Variants in PCDHA1 observed in about 807,000 individuals in gnomAD.
PCDHA1 encodes the protein protocadherin alpha-1.
In PCDHA1, 42 loss-of-function variants were observed where a neutral mutation model predicts 61.3. The observed-to-expected ratio is 0.69, with a 90% CI of 0.54 to 0.89. The LOEUF (loss-of-function observed/expected upper bound fraction) is 0.89, where lower values mean the gene tolerates loss of function less well. Among genes scored for constraint, PCDHA1 ranks in the 40% least tolerant of loss-of-function variants. The pLI is 0.00. For synonymous variants in PCDHA1, 610 were observed against 553.8 expected, an observed-to-expected ratio of 1.10 and a Z score of -1.43; for missense variants, 1,256 against 1,235.3, an observed-to-expected ratio of 1.02 and a Z score of -0.25.
intron 1 of PCDHA1, among the ~76,000 whole-genome samples, chr5:140,906,958 G>A (rs1220105162): frequency 1.3e-5 from 2 of 152,124 alleles, no homozygotes; most frequent in Non-Finnish European, 2.9e-5. Flanking sequence ...CAGTTTAATG[G>A]AATCGTGGTT....
intron 1 of PCDHA1, chr5:140,842,887 G>A: frequency 6.3e-7 from 1 of 1,594,194 alleles, no homozygotes; most frequent in Non-Finnish European, 8.6e-7. Context: ...CGCTGCAGCC[G>A]CTGGACCACG....
chr5:140,869,817 T>G, intron 1 of PCDHA1: 1 of 1,612,264 alleles, frequency 6.2e-7, no homozygotes, highest in Non-Finnish European at 8.5e-7. Flanking sequence ...TCAACGACAA[T>G]GATCCAGAGT....
chr5:140,907,790 A>G (rs2073612747), intron 1 of PCDHA1, among the ~76,000 whole-genome samples: 1 of 152,178 alleles, frequency 6.6e-6, no homozygotes, highest in African/African-American at 2.4e-5. Context: ...CTGGGGAAAG[A>G]GGCTAAGTGG....
At chr5:140,849,956 C>A in intron 1 of PCDHA1, 1 of 1,597,918 alleles carries the variant, frequency 6.3e-7, no homozygotes, top group African/African-American at 1.3e-5. Flanking sequence ...CGCAGGAGAA[C>A]GCCCTGGTGT....
chr5:140,843,178 C>A (rs2150354589), intron 1 of PCDHA1: 1 of 1,596,102 alleles, frequency 6.3e-7, no homozygotes, highest in East Asian at 2.2e-5. Flanking sequence ...GCAGCCCTCG[C>A]ATCCCGTTCC....
At chr5:140,857,576 C>T in intron 1 of PCDHA1, 1 of 1,596,780 alleles carries the variant, frequency 6.3e-7, no homozygotes, top group African/African-American at 1.3e-5. Flanking sequence ...CGTGTCGGTG[C>T]ACGCGGAGAG....
chr5:140,830,283 C>T (rs2150184279), intron 1 of PCDHA1: 10 of 1,613,762 alleles, frequency 6.2e-6, no homozygotes, highest in South Asian at 4.4e-5. Flanking sequence ...ACCGAGGGCG[C>T]GTGCACGGCG....
In PCDHA1 at chr5:141,005,148, G is replaced by T. The variant is rs528805353; in HGVS notation, c.2543-4479G>T. The stretch of plus-strand genomic sequence containing the variant: ...AAGTGCCTCATTGGAGAGTTGTTTG[G>T]TCTGCTAAAGAGTGGGTACCACTTT... On this transcript the variant is annotated intron_variant, in intron 3 of 3. Transcript: ENST00000504120. 3.3e-5 allele frequency among the ~76,000 whole-genome samples: 5 copies of T among 152,328 alleles called. No individual in the cohort carries two copies. The South Asian group carries it at 1.0e-3, about 32-fold the overall frequency.
rs1554118212 is a variant in PCDHA1, at chr5:140,788,281, C to T, written c.1991C>T (p.Thr664Ile). The change falls in exon 1 of 4, where the codon ACT becomes ATT. Residue 664 changes from threonine to isoleucine, a missense_variant. Physicochemically the swap from Thr to Ile is moderately conservative, Grantham distance 89. Transcript: ENST00000504120. ...GAGCCGGCGCTGACAGCCACGGCCA[C>T]TGTGCTTGTATCTCTGGTGGAGAGC... is the stretch of plus-strand genomic sequence containing the variant. ...HGEPALTATA[T>I]VLVSLVESGQ... The T allele has an allele frequency of 6.2e-7, 1 of 1,613,918 alleles. No homozygotes were observed. Among genetic ancestry groups the T allele is most frequent in the African/African-American group, 1.3e-5 (1 of 74,944 alleles).
At chr5:140,884,483 C>T (rs376374275) in intron 1 of PCDHA1, 3 of 1,613,862 alleles carry the variant, frequency 1.9e-6, no homozygotes, top group East Asian at 4.5e-5. Flanking sequence ...CAAGCCCACT[C>T]TAGTGTGCTC....
chr5:140,830,729 T>C, intron 1 of PCDHA1: 1 of 215,658 alleles, frequency 4.6e-6, no homozygotes, highest in Non-Finnish European at 9.1e-6. Context: ...AAAATATTCT[T>C]GGATATGTCG....
Position 140,877,703 on chromosome 5 carries a change from C to T in PCDHA1, c.2394+89019C>T, listed in dbSNP as rs781946062. On this transcript the variant is annotated intron_variant, in intron 1 of 3. Coordinates refer to ENST00000504120, the MANE Select transcript of PCDHA1 (RefSeq NM_018900.4). ...AAGCCCACGCTGGTGTGCTCCAGCG[C>T]CGTGGGGAGTTGGTCTTACTCGCAG... 4 of 1,613,986 alleles carry T rather than the reference C, an allele frequency of 2.5e-6. No individual in the cohort carries two copies. In the East Asian group the frequency reaches 8.9e-5, roughly 36 times the overall value.
At position 140,786,406 on chromosome 5, in the gene PCDHA1, C is replaced by T. The variant is rs782596133; in HGVS notation, c.116C>T (p.Ala39Val). ...GQLHYSIPEE[A>V]KHGTFVGRVA... Reference sequence around the variant, plus strand: ...CTCCACTACTCGATCCCGGAGGAAGCCAAACACGGCACCTTCGTTGGCCGC... The same window carrying T: ...CTCCACTACTCGATCCCGGAGGAAGTCAAACACGGCACCTTCGTTGGCCGC... The change falls in exon 1 of 4, where the codon GCC becomes GTC. Residue 39 changes from alanine (A) to valine (V), a missense_variant. Coordinates refer to ENST00000504120, the MANE Select transcript of PCDHA1 (RefSeq NM_018900.4). 12 of 1,613,510 alleles carry T rather than the reference C, an allele frequency of 7.4e-6. No individual in the cohort carries two copies. Among genetic ancestry groups the T allele is most frequent in the Non-Finnish European group, 8.5e-7 (1 of 1,180,042 alleles).
intron 1 of PCDHA1, chr5:140,822,550 T>A (rs2150117241): frequency 6.2e-7 from 1 of 1,613,768 alleles, no homozygotes; most frequent in South Asian, 1.1e-5. Flanking sequence ...AAGTGGGACA[T>A]TAGTTATTAA....
intron 1 of PCDHA1, among the ~76,000 whole-genome samples, chr5:140,962,592 G>C (rs1318639328): frequency 1.3e-5 from 2 of 152,164 alleles, no homozygotes; most frequent in Non-Finnish European, 2.9e-5. Flanking sequence ...ATATTTGACT[G>C]ATATATTTCT....
intron 1 of PCDHA1, among the ~76,000 whole-genome samples, chr5:140,792,298 T>G (rs1554118782): frequency 6.6e-6 from 1 of 152,192 alleles, no homozygotes; most frequent in Admixed American, 6.5e-5. Flanking sequence ...CATCATTGGA[T>G]TTATGGCCTT....
In PCDHA1 at chr5:140,823,709, G is replaced by C. The variant is rs2150128449; in HGVS notation, c.2394+35025G>C. On this transcript the variant is annotated intron_variant, in intron 1 of 3. Transcript: ENST00000504120. ...GATGAGACCGAAGCACCGCGCCACCGCCTTCTGGTGCTGGTGAAGGACCAT... is the reference window on the plus strand; with the variant it reads ...GATGAGACCGAAGCACCGCGCCACCCCCTTCTGGTGCTGGTGAAGGACCAT... 4 of 1,613,832 alleles carry C rather than the reference G, an allele frequency of 2.5e-6. No homozygotes were observed. The African/African-American group carries it at 5.3e-5, about 22-fold the overall frequency.
chr5:140,794,893 A>T, intron 1 of PCDHA1: 1 of 1,468,912 alleles, frequency 6.8e-7, no homozygotes, highest in Non-Finnish European at 9.2e-7. Flanking sequence ...GCAGGACTTT[A>T]ACAGAGACTA....
At chr5:140,897,175 G>A (rs1293904744) in intron 1 of PCDHA1, among the ~76,000 whole-genome samples, 3 of 151,828 alleles carry the variant, frequency 2.0e-5, no homozygotes, top group Admixed American at 6.6e-5. Flanking sequence ...ATCTCCATGG[G>A]TTCAAAAAAT....
Sources: gnomAD v4.1 joint callset for allele counts (sites outside exome capture counted in the v4.1 genomes callset) on GRCh38, gnomAD v4.1.1 for gene constraint, MANE v1.5 for transcripts, NCBI Gene and HGNC (gene_info 2026-07-23, HGNC 2026-07-21) for gene names.